CSMD1: variants seen among roughly 807,000 people sequenced by gnomAD.
The protein encoded by CSMD1 is CUB and sushi domain-containing protein 1.
Under a neutral mutation model 417.5 loss-of-function variants are expected in CSMD1, and 213 were observed. That is an observed-to-expected ratio of 0.51 (90% CI 0.46 to 0.57). The LOEUF is 0.57. Ranked by LOEUF, CSMD1 falls within the 20% of genes least tolerant of loss-of-function variation. The probability of loss-of-function intolerance (pLI) is 0.00; values close to 1 mark genes in which losing one functional copy is unlikely to be tolerated. For missense variants in CSMD1, 6,923 were observed against 4,529.7 expected (o/e 1.53, Z -15.17); for synonymous variants, 2,862 against 1,736.8 (o/e 1.65, Z -16.11).
At position 3,408,139 on chromosome 8, in the gene CSMD1, C is replaced by T. The variant is rs1812465312; in HGVS notation, c.1831G>A (p.Val611Ile). Residue 611 changes from valine (V) to isoleucine (I), a missense_variant, in exon 14 of 70, where the codon GTC (valine) becomes ATC (isoleucine). Coordinates refer to ENST00000635120, the MANE Select transcript of CSMD1 (RefSeq NM_033225.6). ...CCTGGCTCCGAGATAATCAACCAGA[C>T]ACAGTTCATGTTGTTCCCATATTCC... ...PEEYGNNMNC[V>I]WLIISEPGSR... 1 of 1,613,196 alleles carries T rather than the reference C, an allele frequency of 6.2e-7. No homozygotes were observed. The highest frequency in any genetic ancestry group is 1.7e-5 in the Admixed American group (1 of 59,940).
chr8:3,439,309 A>ATATATATATATATATATATTT, intron 12 of CSMD1, among the ~76,000 whole-genome samples: 167 of 62,292 alleles, frequency 2.7e-3, no homozygotes, highest in Non-Finnish European at 3.3e-3. Flanking sequence ...ATATATATAT[A>ATATATATATATATATATATTT]TTTTTTTTTT....
intron 5 of CSMD1, among the ~76,000 whole-genome samples, chr8:3,975,122 G>C (rs937057875): frequency 6.6e-6 from 1 of 152,060 alleles, no homozygotes; most frequent in African/African-American, 2.4e-5. Context: ...AAACCACTAT[G>C]CATGTTTCCA....
intron 26 of CSMD1, among the ~76,000 whole-genome samples, chr8:3,258,119 G>C (rs1173249629): frequency 6.6e-6 from 1 of 152,080 alleles, no homozygotes; most frequent in African/African-American, 2.4e-5. Flanking sequence ...CTGCATGTGG[G>C]ATATGAAAGA....
chr8:3,393,837 T>C lies in CSMD1; in HGVS notation c.2593+2357A>G, dbSNP rs567135584. 2.9e-4 allele frequency among the ~76,000 whole-genome samples: 43 copies of C among 150,330 alleles called. No homozygotes were observed. The East Asian group carries it at 7.7e-3, about 27-fold the overall frequency. ...GGGAACATCACACTCTGGGGCCTGT[T>C]GTGGGGTGTGGGGAGGGGGCAGGGA... On this transcript the variant is annotated intron_variant, in intron 17 of 69. Transcript: ENST00000635120.
intron 3 of CSMD1, among the ~76,000 whole-genome samples, chr8:4,146,452 T>C (rs1367489250): frequency 1.3e-5 from 2 of 150,548 alleles, no homozygotes; most frequent in Non-Finnish European, 2.9e-5. Flanking sequence ...CAGCAGTAAG[T>C]GTAGAGTTAA....
At chr8:3,872,914 A>T (rs1335541517) in intron 5 of CSMD1, among the ~76,000 whole-genome samples, 2 of 152,186 alleles carry the variant, frequency 1.3e-5, no homozygotes, top group Non-Finnish European at 2.9e-5. Context: ...ACACTTCTGA[A>T]AATAAGACAT....
At chr8:4,575,322 C>A (rs1169896123) in intron 2 of CSMD1, among the ~76,000 whole-genome samples, 3 of 152,150 alleles carry the variant, frequency 2.0e-5, no homozygotes, top group Non-Finnish European at 2.9e-5. Flanking sequence ...TAATGTGATT[C>A]TGCAAAGTGG....
At chr8:4,859,839 G>A (rs1802021549) in intron 1 of CSMD1, among the ~76,000 whole-genome samples, 1 of 152,114 alleles carries the variant, frequency 6.6e-6, no homozygotes, top group Admixed American at 6.5e-5. Context: ...AACCATTGTG[G>A]AAGTCAGTGT....
Position 3,157,969 on chromosome 8 carries a change from G to T in CSMD1, c.5845-3C>A. The T allele has an allele frequency of 6.4e-7, 1 of 1,552,298 alleles. No homozygotes were observed. Among genetic ancestry groups the T allele is most frequent in the Non-Finnish European group, 8.7e-7 (1 of 1,147,188 alleles). ...ATACAGGAAATGTGGGAACGGCCCT[G>T]TTTAAAAGAAAACAAAAGAAAATAC... is the stretch of plus-strand genomic sequence containing the variant. On this transcript the variant is annotated splice_polypyrimidine_tract_variant and splice_region_variant and intron_variant, in intron 38 of 69. Coordinates refer to ENST00000635120, the MANE Select transcript of CSMD1 (RefSeq NM_033225.6).
intron 2 of CSMD1, among the ~76,000 whole-genome samples, chr8:4,460,884 C>T (rs1053645033): frequency 2.0e-5 from 3 of 151,990 alleles, no homozygotes; most frequent in Non-Finnish European, 2.9e-5. Context: ...AAATTCTTTC[C>T]AAAAATAGAA....
At chr8:2,989,873 C>T (rs1309215180) in intron 54 of CSMD1, among the ~76,000 whole-genome samples, 1 of 152,158 alleles carries the variant, frequency 6.6e-6, no homozygotes, top group Admixed American at 6.6e-5. Context: ...TCCTAGCTAG[C>T]AAACTCCTCT....
intron 11 of CSMD1, among the ~76,000 whole-genome samples, chr8:3,490,501 A>T (rs951442925): frequency 6.6e-6 from 1 of 152,152 alleles, no homozygotes; most frequent in African/African-American, 2.4e-5. Context: ...ATCCTCTCTT[A>T]AATTAGGTGT....
chr8:3,950,360 T>G (rs1484275765), intron 5 of CSMD1, among the ~76,000 whole-genome samples: 1 of 152,218 alleles, frequency 6.6e-6, no homozygotes, highest in Non-Finnish European at 1.5e-5. Context: ...GCATAAAGTT[T>G]AAGAACAGGG....
intron 5 of CSMD1, among the ~76,000 whole-genome samples, chr8:3,815,317 C>T (rs917241372): frequency 1.7e-4 from 26 of 152,090 alleles, no homozygotes; most frequent in African/African-American, 6.3e-4. Flanking sequence ...TATTAGTTCA[C>T]TTCTGAACAA....
chr8:3,394,436 T>G (rs1447358), intron 17 of CSMD1, among the ~76,000 whole-genome samples: 71,534 of 151,552 alleles, frequency 0.47, 17,336 homozygotes, highest in African/African-American at 0.57. Flanking sequence ...ATTAGTTTCT[T>G]CTGCCTTCAC....
intron 10 of CSMD1, among the ~76,000 whole-genome samples, chr8:3,573,182 C>G (rs963154238): frequency 4.6e-5 from 7 of 152,140 alleles, no homozygotes; most frequent in African/African-American, 1.7e-4. Context: ...TTTACTTACG[C>G]AACATGTGGA....
intron 3 of CSMD1, among the ~76,000 whole-genome samples, chr8:4,337,879 T>G (rs1421915027): frequency 6.6e-6 from 1 of 152,168 alleles, no homozygotes; most frequent in East Asian, 1.9e-4. Flanking sequence ...AATAGGCATT[T>G]TCTTCAGCTT....
chr8:3,739,572 G>C (rs919057581), intron 6 of CSMD1, among the ~76,000 whole-genome samples: 1 of 152,080 alleles, frequency 6.6e-6, no homozygotes, highest in Admixed American at 6.6e-5. Context: ...TTAAATCTGG[G>C]AATGCTTAAG....
chr8:3,105,633 T>C (rs559353648), intron 46 of CSMD1, among the ~76,000 whole-genome samples: 1 of 152,354 alleles, frequency 6.6e-6, no homozygotes, highest in South Asian at 2.1e-4. Context: ...CTCTTGCACA[T>C]GGTCTACATA....
Sources: gnomAD v4.1 joint callset for allele counts (sites outside exome capture counted in the v4.1 genomes callset) on GRCh38, gnomAD v4.1.1 for gene constraint, MANE v1.5 for transcripts, NCBI Gene and HGNC (gene_info 2026-07-23, HGNC 2026-07-21) for gene names.